NRXN1: variants seen among roughly 807,000 people sequenced by gnomAD.
The protein encoded by NRXN1 is neurexin 1, also known as neurexin-1.
In NRXN1, 39 loss-of-function variants were observed where a neutral mutation model predicts 150.9. The ratio of observed to expected loss-of-function variants is 0.26; its 90% CI spans 0.20 to 0.34. NRXN1 has a LOEUF of 0.34. NRXN1 is among the 10% of genes least tolerant of loss of function. NRXN1 has a pLI of 1.00. For synonymous variants in NRXN1, 924 were observed against 757.0 expected (o/e 1.22, Z -3.62); for missense variants, 1,815 against 1,949.9 (o/e 0.93, Z 1.30).
intron 21 of NRXN1, among the ~76,000 whole-genome samples, chr2:49,984,718 A>AACACAC (rs149322054): frequency 0.29 from 42,005 of 146,766 alleles, 6,773 homozygotes; most frequent in South Asian, 0.41. Context: ...AGAACACACA[A>AACACAC]ACACACACAC....
intron 12 of NRXN1, among the ~76,000 whole-genome samples, chr2:50,518,621 C>G (rs984178086): frequency 6.8e-6 from 1 of 147,904 alleles, no homozygotes; most frequent in South Asian, 2.2e-4. Flanking sequence ...ATTCCATAAA[C>G]GAAGCCATGG....
intron 18 of NRXN1, among the ~76,000 whole-genome samples, chr2:50,198,792 A>G (rs1230164056): frequency 4.6e-5 from 7 of 152,096 alleles, no homozygotes; most frequent in Non-Finnish European, 8.8e-5. Flanking sequence ...TGAATATTGC[A>G]TGGTTTCTTG....
intron 21 of NRXN1, among the ~76,000 whole-genome samples, chr2:49,986,255 T>C (rs954857845): frequency 2.6e-5 from 4 of 152,176 alleles, no homozygotes; most frequent in African/African-American, 7.2e-5. Context: ...TTAAAAATAA[T>C]TGAAAACTCC....
chr2:50,684,360 G>A (rs897624452), intron 5 of NRXN1, among the ~76,000 whole-genome samples: 5 of 151,872 alleles, frequency 3.3e-5, no homozygotes, highest in African/African-American at 7.3e-5. Context: ...AAAAATAGCC[G>A]GGCATGGTGG....
At chr2:49,973,787 G>A (rs1455377274) in intron 21 of NRXN1, 2 of 570,130 alleles carry the variant, frequency 3.5e-6, no homozygotes, top group African/African-American at 1.9e-5. Context: ...CACATACAGC[G>A]TGCATAAATT....
intron 19 of NRXN1, among the ~76,000 whole-genome samples, chr2:50,083,613 G>A (rs75367269): frequency 6.6e-6 from 1 of 152,086 alleles, no homozygotes; most frequent in Non-Finnish European, 1.5e-5. Context: ...GGTGGCCAGG[G>A]CTGGCTCGGG....
intron 2 of NRXN1, among the ~76,000 whole-genome samples, chr2:51,016,497 G>A (rs1341943704): frequency 6.6e-6 from 1 of 152,130 alleles, no homozygotes; most frequent in African/African-American, 2.4e-5. Flanking sequence ...ACAAATATGT[G>A]AAAAATAGCT....
At chr2:50,140,886 A>G (rs980948358) in intron 18 of NRXN1, among the ~76,000 whole-genome samples, 1 of 151,992 alleles carries the variant, frequency 6.6e-6, no homozygotes, top group African/African-American at 2.4e-5. Flanking sequence ...TTCTGCATAT[A>G]TATGTGTTCG....
intron 5 of NRXN1, among the ~76,000 whole-genome samples, chr2:50,876,988 C>T (rs1678691071): frequency 6.6e-6 from 1 of 151,724 alleles, no homozygotes; most frequent in Admixed American, 6.6e-5. Flanking sequence ...TATTTTCTTC[C>T]TCCACATATC....
At chr2:50,485,829 C>T (rs1026157254) in intron 15 of NRXN1, among the ~76,000 whole-genome samples, 1 of 152,170 alleles carries the variant, frequency 6.6e-6, no homozygotes, top group Non-Finnish European at 1.5e-5. Context: ...ATCTGCCAGA[C>T]CAAGAGTCCC....
chr2:50,620,551 GTT>G (rs1679825400), intron 7 of NRXN1, among the ~76,000 whole-genome samples: 1 of 152,104 alleles, frequency 6.6e-6, no homozygotes, highest in Non-Finnish European at 1.5e-5. Context: ...TATTAGTAAG[GTT>G]TAGTTGTCTG....
At chr2:50,053,226 A>C in intron 21 of NRXN1, 45 bp downstream of exon 21, 1 of 1,597,914 alleles carries the variant, frequency 6.3e-7, no homozygotes, top group South Asian at 1.1e-5. Context: ...CCACTATCAT[A>C]AATAATATAG....
At chr2:50,959,264 C>A (rs1288475949) in intron 2 of NRXN1, among the ~76,000 whole-genome samples, 1 of 151,966 alleles carries the variant, frequency 6.6e-6, no homozygotes, top group Non-Finnish European at 1.5e-5. Flanking sequence ...CATATACATA[C>A]TCAAGAGAAC....
intron 5 of NRXN1, among the ~76,000 whole-genome samples, chr2:50,862,833 C>A (rs917989782): frequency 6.6e-6 from 1 of 151,970 alleles, no homozygotes; most frequent in African/African-American, 2.4e-5. Context: ...GTAAAAAGAT[C>A]CAGGATTTGT....
chr2:50,300,659 AG>A, intron 17 of NRXN1, among the ~76,000 whole-genome samples: 1 of 152,242 alleles, frequency 6.6e-6, no homozygotes, highest in East Asian at 1.9e-4. Flanking sequence ...ATGCTCTTAA[AG>A]GGGAATGTGG....
At chr2:50,611,446 C>A (rs1678113216) in intron 8 of NRXN1, among the ~76,000 whole-genome samples, 1 of 152,086 alleles carries the variant, frequency 6.6e-6, no homozygotes, top group South Asian at 2.1e-4. Flanking sequence ...AAGAACTCAC[C>A]AGATGCTTTG....
chr2:50,148,456 C>CA (rs745565186), intron 18 of NRXN1, among the ~76,000 whole-genome samples: 29 of 147,196 alleles, frequency 2.0e-4, no homozygotes, highest in Admixed American at 4.1e-4. Context: ...ACATGAAGGG[C>CA]AAAAAAAAAC....
chr2:50,512,005 G>C (rs1051263325), intron 12 of NRXN1, among the ~76,000 whole-genome samples: 3 of 151,898 alleles, frequency 2.0e-5, no homozygotes, highest in African/African-American at 7.3e-5. Context: ...AACTAATTAT[G>C]TTACCTTGAA....
At chr2:50,965,596 G>C (rs940301181) in intron 2 of NRXN1, among the ~76,000 whole-genome samples, 1 of 151,290 alleles carries the variant, frequency 6.6e-6, no homozygotes, top group African/African-American at 2.4e-5. Flanking sequence ...TACTTGAATG[G>C]TTTTTAAAAG....
Sources: allele counts gnomAD v4.1 joint callset (sites outside exome capture counted in the v4.1 genomes callset), GRCh38; gene constraint gnomAD v4.1.1; transcripts MANE v1.5; gene names NCBI Gene and HGNC (gene_info 2026-07-23, HGNC 2026-07-21).